Variants in HLA-DOA observed in about 807,000 individuals in gnomAD.
HLA-DOA encodes the protein HLA class II histocompatibility antigen, DO alpha chain.
Under a neutral mutation model 22.9 loss-of-function variants are expected in HLA-DOA, and 27 were observed. That is an observed-to-expected ratio of 1.18 (90% CI 0.87 to 1.62). The LOEUF (loss-of-function observed/expected upper bound fraction) is 1.62, where lower values mean the gene tolerates loss of function less well. HLA-DOA is among the 40% of genes most tolerant of loss of function. HLA-DOA has a pLI of 0.00. For synonymous variants in HLA-DOA, 137 were observed against 138.6 expected (o/e 0.99, Z 0.08); for missense variants, 324 against 332.4 (o/e 0.97, Z 0.20).
At chr6:33,008,470 CAG>C in intron 1 of HLA-DOA, 12 of 1,333,614 alleles carry the variant, frequency 9.0e-6, no homozygotes, top group Non-Finnish European at 1.2e-5. Flanking sequence ...GCAGTCGGCA[CAG>C]AGACAGTGCA....
In HLA-DOA at chr6:33,006,846, A is replaced by G; in HGVS notation, c.750-5T>C. On this transcript the variant is annotated splice_polypyrimidine_tract_variant and splice_region_variant and intron_variant, in intron 4 of 4. Coordinates refer to ENST00000229829, the MANE Select transcript of HLA-DOA (RefSeq NM_002119.4). ...TTCTCTCAGAAGGATCATTACCTAA[A>G]ATAGCAGAAAACATACGATCGAGGT... 1 of 1,608,472 alleles carries G rather than the reference A, an allele frequency of 6.2e-7. No individual in the cohort carries two copies. The highest frequency in any genetic ancestry group is 8.5e-7 in the Non-Finnish European group (1 of 1,175,852).
rs1422755766 is a variant in HLA-DOA at position 33,005,940 on chromosome 6, C to T, written c.*898G>A. 2 of 152,198 alleles carry T rather than the reference C, an allele frequency of 1.3e-5. No homozygotes were observed. The highest frequency in any genetic ancestry group is 2.4e-5 in the African/African-American group (1 of 41,446). 9.4% of individuals were successfully genotyped at this position (152,198 alleles called of 1,614,324 possible). A position where few individuals can be genotyped will look rare whatever the true frequency, so the allele number is the denominator to read the frequency against. On this transcript the variant is annotated 3_prime_UTR_variant, in exon 5 of 5. Coordinates refer to ENST00000229829, the MANE Select transcript of HLA-DOA (RefSeq NM_002119.4). ...CTTATGTGCATTCTGGTTTGAAAAC[C>T]GTAATCTGTATTGCTCATTTTGGTC...
rs957758880 is a variant in HLA-DOA, at chr6:33,004,576, G to A, written c.*2262C>T. ...ATGATATAAACTCAGGAGCTGTCGG[G>A]TGGACATGTTCACTGAGAAGGACAG... On this transcript the variant is annotated 3_prime_UTR_variant, in exon 5 of 5. Transcript: ENST00000229829. 6.6e-6 allele frequency: 1 copy of A among 152,232 alleles called. No homozygotes were observed. Among genetic ancestry groups the A allele is most frequent in the African/African-American group, 2.4e-5 (1 of 41,434 alleles). The allele number at this position is 152,232 out of a possible 1,614,324, so 9.4% of individuals were successfully genotyped here. A position where few individuals can be genotyped will look rare whatever the true frequency, so the allele number is the denominator to read the frequency against.
rs1317858650 is a variant in HLA-DOA at position 33,009,280 on chromosome 6, A to C, written c.82+175T>G. On this transcript the variant is annotated intron_variant, in intron 1 of 4. Transcript: ENST00000229829. This position sits in a 1 kb window ranked among gnomAD's most constrained non-coding sequence, Gnocchi z 4.8. ...GCGCAGCTGACCGAGCTGCATCTTC[A>C]TTTAGGTCCAGAGTGGATGTGACAG... 6.6e-6 allele frequency among the ~76,000 whole-genome samples: 1 copy of C among 152,086 alleles called. No homozygotes were observed. The highest frequency in any genetic ancestry group is 1.5e-5 in the Non-Finnish European group (1 of 68,010).
chr6:33,008,481 C>T, intron 1 of HLA-DOA: 1 of 1,269,222 alleles, frequency 7.9e-7, no homozygotes, highest in Non-Finnish European at 1.0e-6. Context: ...AGAGACAGTG[C>T]AGTCTGGCAT....
At chr6:33,007,710 T>C (rs1780882175) in intron 2 of HLA-DOA, 118 bp from the exon 3 acceptor site, 4 of 1,185,502 alleles carry the variant, frequency 3.4e-6, no homozygotes, top group Non-Finnish European at 4.7e-6. Flanking sequence ...TGCTCTGGGG[T>C]ATCCACTGGG....
rs1180099870 is a variant in HLA-DOA at position 33,005,184 on chromosome 6, A to G, written c.*1654T>C. ...GGTCCAGGATGGCTGCATCAGAGTC[A>G]TCCAGAGCCGGTTAAAAATGACAGC... is the stretch of plus-strand genomic sequence containing the variant. On this transcript the variant is annotated 3_prime_UTR_variant, in exon 5 of 5. Transcript: ENST00000229829. 2 of 152,296 alleles carry G rather than the reference A, an allele frequency of 1.3e-5. No homozygotes were observed. Among genetic ancestry groups the G allele is most frequent in the East Asian group, 3.9e-4 (2 of 5,188 alleles). 9.4% of individuals were successfully genotyped at this position (152,296 alleles called of 1,614,324 possible). A position where few individuals can be genotyped will look rare whatever the true frequency, so the allele number is the denominator to read the frequency against.
Position 33,007,955 on chromosome 6 carries a change from G to A in HLA-DOA, c.331+58C>T, listed in dbSNP as rs953703821. The A allele has an allele frequency of 9.0e-6, 14 of 1,562,564 alleles. No individual in the cohort carries two copies. In the Admixed American group the frequency reaches 1.4e-4, roughly 16 times the overall value. ...CAGAGTGATGGGAGCCTAGGAACTGGGAGGAAGTTTCTCTGGACCTTCCCG... is the reference window on the plus strand; with the variant it reads ...CAGAGTGATGGGAGCCTAGGAACTGAGAGGAAGTTTCTCTGGACCTTCCCG... On this transcript the variant is annotated intron_variant, in intron 2 of 4. Coordinates refer to ENST00000229829, the MANE Select transcript of HLA-DOA (RefSeq NM_002119.4).
intron 1 of HLA-DOA, chr6:33,008,472 G>A: frequency 7.6e-7 from 1 of 1,322,158 alleles, no homozygotes; most frequent in Non-Finnish European, 9.8e-7. Flanking sequence ...AGTCGGCACA[G>A]AGACAGTGCA....
rs1316858642 is a variant in HLA-DOA at position 33,007,337 on chromosome 6, A to G, written c.587T>C (p.Leu196Pro). 1 of 1,612,012 alleles carries G rather than the reference A, an allele frequency of 6.2e-7. No homozygotes were observed. The highest frequency in any genetic ancestry group is 1.3e-5 in the African/African-American group (1 of 74,912). The stretch of plus-strand genomic sequence containing the variant: ...CCAATGCCTGAGGAGTGGCGCATCC[A>G]GGCCCCAGTGCTCCACCTGGCAGTC... ...VYDCQVEHWGLDAPLLRHWEL... is the reference protein window; with the variant it reads ...VYDCQVEHWGPDAPLLRHWEL... The change falls in exon 3 of 5, where the codon CTG becomes CCG. Residue 196 changes from leucine to proline, a missense_variant. Transcript: ENST00000229829.
rs1246934744 is a variant in HLA-DOA at position 33,007,342 on chromosome 6, C to T, written c.582G>A (p.Trp194Ter). Residue 194 changes from tryptophan to a stop codon, truncating the protein, a stop_gained, in exon 3 of 5, where the codon TGG becomes TGA. Coordinates refer to ENST00000229829, the MANE Select transcript of HLA-DOA (RefSeq NM_002119.4). LOFTEE classifies it high-confidence loss of function. ...GCCTGAGGAGTGGCGCATCCAGGCC[C>T]CAGTGCTCCACCTGGCAGTCATAGA... ...EDVYDCQVEH[W>*]GLDAPLLRHW... The T allele has an allele frequency of 6.2e-7, 1 of 1,611,514 alleles. No homozygotes were observed. The highest frequency in any genetic ancestry group is 1.7e-5 in the Admixed American group (1 of 59,948).
Position 33,007,318 on chromosome 6 carries a change from C to T in HLA-DOA, c.606G>A (p.Arg202=), listed in dbSNP as rs1780855206. 6.2e-7 allele frequency: 1 copy of T among 1,612,882 alleles called. No homozygotes were observed. Among genetic ancestry groups the T allele is most frequent in the Non-Finnish European group, 8.5e-7 (1 of 1,179,872 alleles). ...EHWGLDAPLL[R]HWELQVPIPP... is the part of the protein sequence containing the mutation. Reference sequence around the variant, plus strand: ...GGGGAGGGGGCTCCGTACCCCAATGCCTGAGGAGTGGCGCATCCAGGCCCC... The same window carrying T: ...GGGGAGGGGGCTCCGTACCCCAATGTCTGAGGAGTGGCGCATCCAGGCCCC... The change falls in exon 3 of 5, where the codon AGG becomes AGA. Residue 202 remains arginine (R), a synonymous_variant. Transcript: ENST00000229829.
chr6:33,008,294 G>A (rs1562013532), intron 1 of HLA-DOA, 33 bp from the exon 2 acceptor site: 6 of 1,596,620 alleles, frequency 3.8e-6, no homozygotes, highest in South Asian at 2.3e-5. Flanking sequence ...CAAGGAGAGA[G>A]AAAAAAATGT....
Position 33,009,485 on chromosome 6 carries a change from G to A in HLA-DOA, c.52C>T (p.Leu18=), listed in dbSNP as rs763666641. 2 of 1,606,050 alleles carry A rather than the reference G, an allele frequency of 1.2e-6. No individual in the cohort carries two copies. Among genetic ancestry groups the A allele is most frequent in the South Asian group, 2.2e-5 (2 of 89,678 alleles). The change falls in exon 1 of 5, where the codon CTG becomes TTG. Residue 18 remains leucine, a synonymous_variant. Transcript: ENST00000229829. The surrounding 1 kb of genome is among the most constrained non-coding windows in gnomAD (Gnocchi z 4.8). The part of the protein sequence containing the change: ...VLGFHTLMTL[L]SPQEAGATKA... ...GTGGCCCCTGCCTCCTGCGGGCTCAGGAGGGTCATCAGGGTGTGGAACCCC... is the reference window on the plus strand; with the variant it reads ...GTGGCCCCTGCCTCCTGCGGGCTCAAGAGGGTCATCAGGGTGTGGAACCCC...
Position 33,007,414 on chromosome 6 carries a change from C to T in HLA-DOA, c.510G>A (p.Leu170=), listed in dbSNP as rs772680349. ...QTSFYSQPDH[L]FRKFHYLPFV... The stretch of plus-strand genomic sequence containing the variant: ...AGGGCAGGTAGTGGAACTTGCGGAA[C>T]AAATGGTCAGGCTGGGAATAGAAGC... Residue 170 remains leucine (L), a synonymous_variant, in exon 3 of 5, where the codon TTG becomes TTA. Transcript: ENST00000229829. 3 of 1,605,990 alleles carry T rather than the reference C, an allele frequency of 1.9e-6. No homozygotes were observed. The South Asian group carries it at 3.3e-5, about 18-fold the overall frequency.
At chr6:33,009,000 GA>G (rs1188365503) in intron 1 of HLA-DOA, among the ~76,000 whole-genome samples, 1 of 151,908 alleles carries the variant, frequency 6.6e-6, no homozygotes, top group Non-Finnish European at 1.5e-5. Context: ...GGAAATAAAA[GA>G]AAAAAAAGAT....
At chr6:33,007,270 A>G in intron 3 of HLA-DOA, 41 bp downstream of exon 3, 1 of 1,613,300 alleles carries the variant, frequency 6.2e-7, no homozygotes, top group Non-Finnish European at 8.5e-7. Context: ...GAGTAAAGGA[A>G]ACCTGGGGCC....
intron 3 of HLA-DOA, 35 bp downstream of exon 3, chr6:33,007,276 G>A (rs1780851998): frequency 1.2e-6 from 2 of 1,613,126 alleles, no homozygotes; most frequent in South Asian, 1.1e-5. Context: ...AGGAAACCTG[G>A]GGCCAGGAGG....
Position 33,007,424 on chromosome 6 carries a change from G to A in HLA-DOA, c.500C>T (p.Pro167Leu), listed in dbSNP as rs1168190520. The change falls in exon 3 of 5, where the codon CCT becomes CTT. Residue 167 changes from proline (P) to leucine (L), a missense_variant. Pro to Leu is a moderately conservative substitution (Grantham distance 98, BLOSUM62 -3). Transcript: ENST00000229829. ...GVAQTSFYSQPDHLFRKFHYL... is the reference protein window; with the variant it reads ...GVAQTSFYSQLDHLFRKFHYL... ...GTGGAACTTGCGGAACAAATGGTCA[G>A]GCTGGGAATAGAAGCTGGTCTGGGC... 6.2e-7 allele frequency: 1 copy of A among 1,608,258 alleles called. No homozygotes were observed. The highest frequency in any genetic ancestry group is 8.5e-7 in the Non-Finnish European group (1 of 1,177,276).
Sources: gnomAD v4.1 joint callset for allele counts (sites outside exome capture counted in the v4.1 genomes callset) on GRCh38, gnomAD v4.1.1 for gene constraint, Gnocchi (gnomAD v3.1) non-coding constraint, MANE v1.5 for transcripts, NCBI Gene and HGNC (gene_info 2026-07-23, HGNC 2026-07-21) for gene names.